STXBP4: variants seen among roughly 807,000 people sequenced by gnomAD.
STXBP4 encodes the protein syntaxin-binding protein 4.
A neutral mutation model predicts 76.1 loss-of-function variants in STXBP4; 55 were observed. The observed-to-expected ratio is 0.72, with a 90% CI of 0.58 to 0.91. The LOEUF (loss-of-function observed/expected upper bound fraction) is 0.91. STXBP4 is among the 40% of genes least tolerant of loss of function. The pLI is 0.00. For synonymous variants in STXBP4, 201 were observed against 220.2 expected (o/e 0.91, Z 0.77); for missense variants, 618 against 636.9 (o/e 0.97, Z 0.32).
the STXBP4 span, among the ~76,000 whole-genome samples, chr17:55,179,104 G>A: frequency 6.6e-6 from 1 of 152,026 alleles, no homozygotes; most frequent in Admixed American, 6.6e-5. Context: ...CACATTGCCC[G>A]AAACCAAAAC....
At chr17:55,136,447 A>T (rs900575542) in intron 16 of STXBP4, among the ~76,000 whole-genome samples, 4 of 152,100 alleles carry the variant, frequency 2.6e-5, no homozygotes, top group African/African-American at 9.7e-5. Flanking sequence ...ATTAAAAGAA[A>T]TGGTAATAAA....
the STXBP4 span, among the ~76,000 whole-genome samples, chr17:55,208,769 A>T: frequency 2.4e-3 from 361 of 152,272 alleles, no homozygotes; most frequent in Middle Eastern, 0.017. Flanking sequence ...ATTTGTGTAA[A>T]CAAGTTTCAG....
At chr17:55,206,775 T>C in the STXBP4 span, among the ~76,000 whole-genome samples, 11 of 149,914 alleles carry the variant, frequency 7.3e-5, no homozygotes, top group East Asian at 1.6e-3. Flanking sequence ...GAGAAGTTCT[T>C]GAACCCGGAA....
At chr17:55,049,355 G>C (rs1310686698) in intron 12 of STXBP4, among the ~76,000 whole-genome samples, 1 of 151,870 alleles carries the variant, frequency 6.6e-6, no homozygotes. Context: ...ACTAAAATGA[G>C]TCAGTGCATG....
intron 16 of STXBP4, among the ~76,000 whole-genome samples, chr17:55,099,343 G>T (rs2079535950): frequency 6.6e-6 from 1 of 152,166 alleles, no homozygotes; most frequent in South Asian, 2.1e-4. Flanking sequence ...TATATTCTGA[G>T]AATACATCAT....
At chr17:55,107,520 C>A (rs1486101857) in intron 16 of STXBP4, among the ~76,000 whole-genome samples, 1 of 152,206 alleles carries the variant, frequency 6.6e-6, no homozygotes, top group Non-Finnish European at 1.5e-5. Flanking sequence ...AAGAAGCATT[C>A]TGGTTTTTGG....
chr17:54,982,829 T>C (rs1011144495), intron 1 of STXBP4, among the ~76,000 whole-genome samples: 24 of 152,188 alleles, frequency 1.6e-4, no homozygotes, highest in African/African-American at 5.8e-4. Context: ...GTGTCATCTT[T>C]ATATAAAAGA....
At chr17:55,185,296 TCTCCTTCTC>T in the STXBP4 span, among the ~76,000 whole-genome samples, 168 of 87,774 alleles carry the variant, frequency 1.9e-3, no homozygotes, top group African/African-American at 6.9e-3. Context: ...TCCTTCTCCT[TCTCCTTCTC>T]CTTCTCCTTC....
At chr17:55,046,853 T>A (rs2078796452) in intron 11 of STXBP4, among the ~76,000 whole-genome samples, 1 of 151,966 alleles carries the variant, frequency 6.6e-6, no homozygotes, top group African/African-American at 2.4e-5. Context: ...TTAGAGCTTA[T>A]ATTTTGAGAT....
chr17:55,183,937 C>CA, the STXBP4 span, among the ~76,000 whole-genome samples: 1 of 152,054 alleles, frequency 6.6e-6, no homozygotes, highest in Non-Finnish European at 1.5e-5. Context: ...TATAAGCAGA[C>CA]AAAAATAATC....
At chr17:55,188,146 T>C in the STXBP4 span, among the ~76,000 whole-genome samples, 1 of 152,222 alleles carries the variant, frequency 6.6e-6, no homozygotes, top group Admixed American at 6.5e-5. Flanking sequence ...ACAAGGTGTT[T>C]AGCACACTGT....
intron 8 of STXBP4, among the ~76,000 whole-genome samples, chr17:55,014,263 A>G (rs1267785042): frequency 6.6e-6 from 1 of 152,150 alleles, no homozygotes; most frequent in Non-Finnish European, 1.5e-5. Context: ...CCTGTTGCCC[A>G]GACTTCAGGA....
At chr17:54,987,292 G>A (rs2077639931) in intron 3 of STXBP4, among the ~76,000 whole-genome samples, 1 of 151,898 alleles carries the variant, frequency 6.6e-6, no homozygotes, top group Non-Finnish European at 1.5e-5. Flanking sequence ...TTTTATTCTT[G>A]GTCCTTTTGT....
At chr17:55,122,957 A>G (rs957056497) in intron 16 of STXBP4, among the ~76,000 whole-genome samples, 2 of 152,196 alleles carry the variant, frequency 1.3e-5, no homozygotes, top group African/African-American at 4.8e-5. Context: ...AAATTTTTTA[A>G]TTAGAAAATC....
intron 8 of STXBP4, among the ~76,000 whole-genome samples, chr17:55,016,587 G>A (rs897739881): frequency 1.3e-5 from 2 of 152,134 alleles, no homozygotes; most frequent in African/African-American, 4.8e-5. Context: ...TTCTAACTCT[G>A]CTTCCACAAG....
downstream of STXBP4, among the ~76,000 whole-genome samples, chr17:55,176,029 T>C (rs2080428952): frequency 6.6e-6 from 1 of 152,192 alleles, no homozygotes; most frequent in Admixed American, 6.5e-5. Context: ...TCCTGACGCA[T>C]GTGCAAGAGG....
At chr17:54,997,774 G>C (rs181913846) in intron 4 of STXBP4, among the ~76,000 whole-genome samples, 2,925 of 135,628 alleles carry the variant, frequency 0.022, 84 homozygotes, top group Non-Finnish European at 0.023. Flanking sequence ...TTTTTTGAAA[G>C]ATGGGGTCTA....
In STXBP4 at chr17:55,073,024, C is replaced by T. The variant is rs1395752055; in HGVS notation, c.1136C>T (p.Ala379Val). The change falls in exon 13 of 18, where the codon GCC becomes GTC. Residue 379 changes from alanine to valine, a missense_variant. Ala to Val is a moderately conservative substitution (Grantham distance 64). Transcript: ENST00000376352. ...GAAGAAGTGATCCGTCTGTTAGAGGCCAAGATTACAGAGCTAAAGGCTCAG... is the reference window on the plus strand; with the variant it reads ...GAAGAAGTGATCCGTCTGTTAGAGGTCAAGATTACAGAGCTAAAGGCTCAG... The part of the protein sequence containing the change: ...DYEEVIRLLE[A>V]KITELKAQLA... 2 of 1,613,830 alleles carry T rather than the reference C, an allele frequency of 1.2e-6. No individual in the cohort carries two copies. Among genetic ancestry groups the T allele is most frequent in the Admixed American group, 1.7e-5 (1 of 59,992 alleles).
At chr17:55,016,362 A>G (rs1030453933) in intron 8 of STXBP4, among the ~76,000 whole-genome samples, 2 of 152,172 alleles carry the variant, frequency 1.3e-5, no homozygotes, top group African/African-American at 4.8e-5. Flanking sequence ...GGTGAGTCCT[A>G]GAGCTGGGCT....
Sources: allele counts gnomAD v4.1 joint callset (sites outside exome capture counted in the v4.1 genomes callset), GRCh38; gene constraint gnomAD v4.1.1; transcripts MANE v1.5; gene names NCBI Gene and HGNC (gene_info 2026-07-23, HGNC 2026-07-21).